The following KIF13A variants were observed in gnomAD, a reference collection of about 807,000 sequenced individuals.
KIF13A encodes the protein kinesin family member 13A, also known as kinesin-like protein KIF13A.
KIF13A carries 79 observed loss-of-function variants against 212.2 expected under a neutral mutation model. The ratio of observed to expected loss-of-function variants is 0.37; its 90% CI spans 0.31 to 0.45. The LOEUF is 0.45. KIF13A is among the 20% of genes least tolerant of loss of function. KIF13A has a pLI of 1.00. For synonymous variants in KIF13A, 789 were observed against 808.6 expected (o/e 0.98, Z 0.41); for missense variants, 1,901 against 2,209.0 (o/e 0.86, Z 2.79).
chr6:17,866,557 G>A (rs983399523), intron 4 of KIF13A, among the ~76,000 whole-genome samples: 7 of 152,000 alleles, frequency 4.6e-5, no homozygotes, highest in African/African-American at 1.7e-4. Flanking sequence ...GTAAAATGGG[G>A]GCAGTAATAG....
intron 20 of KIF13A, among the ~76,000 whole-genome samples, chr6:17,804,141 G>A (rs1326263261): frequency 8.3e-6 from 1 of 120,632 alleles, no homozygotes; most frequent in Non-Finnish European, 1.7e-5. Flanking sequence ...GACAGAGTGA[G>A]ACTCCGTCTC....
chr6:17,801,431 G>A (rs1399171255), intron 20 of KIF13A, among the ~76,000 whole-genome samples: 1 of 152,148 alleles, frequency 6.6e-6, no homozygotes, highest in African/African-American at 2.4e-5. Flanking sequence ...GAACCCGCGA[G>A]GCGGAGGTTG....
chr6:17,870,660 C>T (rs2150431415), intron 4 of KIF13A, among the ~76,000 whole-genome samples: 1 of 152,204 alleles, frequency 6.6e-6, no homozygotes, highest in East Asian at 1.9e-4. Flanking sequence ...TTAGAATTTC[C>T]TATTATCTGG....
chr6:17,783,617 A>T lies in KIF13A; in HGVS notation c.3544+29T>A. On this transcript the variant is annotated intron_variant, in intron 29 of 38. Transcript: ENST00000259711. The surrounding 1 kb of genome is among the most constrained non-coding windows in gnomAD (Gnocchi z 4.3). ...ATTACAAACCTTAGTTAAATACAAT[A>T]ATCCCTGTGACTTTAAGTGTCTACT... 7.1e-7 allele frequency: 1 copy of T among 1,417,600 alleles called. No individual in the cohort carries two copies. Among genetic ancestry groups the T allele is most frequent in the Non-Finnish European group, 9.8e-7 (1 of 1,020,056 alleles). The allele number at this position is 1,417,600 out of a possible 1,614,324, so 87.8% of individuals were successfully genotyped here.
At chr6:17,979,633 C>A (rs1165211066) in intron 2 of KIF13A, among the ~76,000 whole-genome samples, 1 of 151,664 alleles carries the variant, frequency 6.6e-6, no homozygotes, top group South Asian at 2.1e-4. Flanking sequence ...ATGTCCTTAA[C>A]ATAAAATATA....
chr6:17,791,901 CAA>C (rs57423111), intron 25 of KIF13A, among the ~76,000 whole-genome samples: 7 of 89,956 alleles, frequency 7.8e-5, no homozygotes, highest in Admixed American at 1.3e-4. Context: ...GACTCTGTCT[CAA>C]AAAAAAAAAA....
intron 9 of KIF13A, among the ~76,000 whole-genome samples, chr6:17,848,135 C>A (rs1227555084): frequency 6.6e-6 from 1 of 152,056 alleles, no homozygotes; most frequent in Non-Finnish European, 1.5e-5. Context: ...AGTTGACACA[C>A]AATTGTGCAT....
At position 17,851,920 on chromosome 6, in the gene KIF13A, C is replaced by T; in HGVS notation, c.582+35G>A. On this transcript the variant is annotated intron_variant, in intron 7 of 38. Coordinates refer to ENST00000259711, the MANE Select transcript of KIF13A (RefSeq NM_022113.6). ...TCACTTACATACTTTGATTTATAGT[C>T]AGCTTTTAATCACATTTTAAAAAAA... 7.2e-6 allele frequency: 8 copies of T among 1,106,494 alleles called. No individual in the cohort carries two copies. In the South Asian group the frequency reaches 1.4e-4, roughly 19 times the overall value. 68.5% of individuals were successfully genotyped at this position (1,106,494 alleles called of 1,614,324 possible). A position where few individuals can be genotyped will look rare whatever the true frequency, so the allele number is the denominator to read the frequency against.
intron 2 of KIF13A, among the ~76,000 whole-genome samples, chr6:17,923,846 G>A (rs536831258): frequency 6.6e-6 from 1 of 152,128 alleles, no homozygotes; most frequent in East Asian, 1.9e-4. Flanking sequence ...TGTCAGTGAG[G>A]GCACAACTCT....
intron 20 of KIF13A, among the ~76,000 whole-genome samples, chr6:17,802,923 G>GTTTTTT (rs57190220): frequency 1.5e-5 from 2 of 135,714 alleles, no homozygotes; most frequent in African/African-American, 2.6e-5. Context: ...ATTTTTTTGT[G>GTTTTTT]TTTTTTTTGT....
Position 17,968,740 on chromosome 6 carries a change from G to GTA in KIF13A, c.146+18312_146+18313dup, listed in dbSNP as rs1242074498. Among the ~76,000 whole-genome samples, 1 of 152,310 alleles carries GTA rather than the reference G, an allele frequency of 6.6e-6. No individual in the cohort carries two copies. The highest frequency in any genetic ancestry group is 1.5e-5 in the Non-Finnish European group (1 of 68,022). Reference sequence around the variant, plus strand: ...GCCAAAGGCAGTAGCAGCCAAAGCTGTAAGGGTCCAGAGCTACATTTGTAC... The same window carrying GTA: ...GCCAAAGGCAGTAGCAGCCAAAGCTGTATAAGGGTCCAGAGCTACATTTGTAC... On this transcript the variant is annotated intron_variant, in intron 2 of 38. Transcript: ENST00000259711. The surrounding 1 kb of genome is among the most constrained non-coding windows in gnomAD (Gnocchi z 4.7).
At chr6:17,807,252 C>A (rs1385698099) in intron 18 of KIF13A, among the ~76,000 whole-genome samples, 3 of 152,130 alleles carry the variant, frequency 2.0e-5, no homozygotes, top group African/African-American at 7.2e-5. Context: ...CCATATTTTT[C>A]TTCTTGCAGA....
rs993809842 is a variant in KIF13A at position 17,947,443 on chromosome 6, C to G, written c.146+39611G>C. Among the ~76,000 whole-genome samples, 10 of 152,118 alleles carry G rather than the reference C, an allele frequency of 6.6e-5. No individual in the cohort carries two copies. The highest frequency in any genetic ancestry group is 8.8e-5 in the Non-Finnish European group (6 of 68,014). ...ATTTGATAATACCTAATAATTAAGG[C>G]TAGCTACTTTTCCTTTCAGCTTCCT... On this transcript the variant is annotated intron_variant, in intron 2 of 38. Transcript: ENST00000259711. The surrounding 1 kb of genome is among the most constrained non-coding windows in gnomAD (Gnocchi z 4.6).
intron 3 of KIF13A, among the ~76,000 whole-genome samples, chr6:17,891,313 T>TA (rs1772032129): frequency 6.6e-6 from 1 of 152,280 alleles, no homozygotes; most frequent in African/African-American, 2.4e-5. Flanking sequence ...AACCCAAAGA[T>TA]ATGGTACAAA....
chr6:17,937,498 T>C (rs1429040054), intron 2 of KIF13A, among the ~76,000 whole-genome samples: 1 of 152,206 alleles, frequency 6.6e-6, no homozygotes, highest in African/African-American at 2.4e-5. Flanking sequence ...AATCTAATTG[T>C]GTCGTCTGGA....
rs529148017 is a variant in KIF13A, at chr6:17,919,614, T to A, written c.147-21434A>T. 9.7e-4 allele frequency among the ~76,000 whole-genome samples: 148 copies of A among 152,332 alleles called. No individual in the cohort carries two copies. The South Asian group carries it at 0.01, about 10-fold the overall frequency. On this transcript the variant is annotated intron_variant, in intron 2 of 38. Transcript: ENST00000259711. This position sits in a 1 kb window ranked among gnomAD's most constrained non-coding sequence, Gnocchi z 4.1. ...ATGTCTCCACTCCTAATGCACTCAG[T>A]GGCTGCTTTACCTACCCTGATTTGA... is the stretch of plus-strand genomic sequence containing the variant.
intron 2 of KIF13A, among the ~76,000 whole-genome samples, chr6:17,907,293 T>A (rs1351836847): frequency 2.6e-5 from 4 of 152,164 alleles, no homozygotes; most frequent in Non-Finnish European, 5.9e-5. Context: ...ACCCAGGCAG[T>A]CTCTGGCTGG....
chr6:17,845,350 G>A lies in KIF13A; in HGVS notation c.830+4027C>T, dbSNP rs141314246. Among the ~76,000 whole-genome samples, 250 of 152,234 alleles carry A rather than the reference G, an allele frequency of 1.6e-3. 3 individuals are homozygous for A. In the East Asian group the frequency reaches 0.037, roughly 22 times the overall value. On this transcript the variant is annotated intron_variant, in intron 9 of 38. Transcript: ENST00000259711. ...TCACATGAAATACTAGAAATACCAT[G>A]CTTACAAGTTACTCTATTATAACAA... is the stretch of plus-strand genomic sequence containing the variant.
At chr6:17,964,428 C>T (rs1419101961) in intron 2 of KIF13A, among the ~76,000 whole-genome samples, 1 of 151,988 alleles carries the variant, frequency 6.6e-6, no homozygotes, top group Non-Finnish European at 1.5e-5. Context: ...GTACTTTATT[C>T]TCTATTGCCC....
Sources: gnomAD v4.1 joint callset for allele counts (sites outside exome capture counted in the v4.1 genomes callset) on GRCh38, gnomAD v4.1.1 for gene constraint, Gnocchi (gnomAD v3.1) non-coding constraint, MANE v1.5 for transcripts, NCBI Gene and HGNC (gene_info 2026-07-23, HGNC 2026-07-21) for gene names.